The following SCHIP1 variants were observed in gnomAD, a reference collection of about 807,000 sequenced individuals.
SCHIP1 encodes schwannomin-interacting protein 1.
SCHIP1 carries 8 observed loss-of-function variants against 29.7 expected under a neutral mutation model. The ratio of observed to expected loss-of-function variants is 0.27; its 90% CI spans 0.16 to 0.49. The LOEUF is 0.49. SCHIP1 is among the 20% of genes least tolerant of loss of function. The probability of loss-of-function intolerance (pLI) is 0.99; values close to 1 mark genes in which losing one functional copy is unlikely to be tolerated. For missense variants in SCHIP1, 193 were observed against 294.6 expected (o/e 0.66, Z 2.52); for synonymous variants, 76 against 94.9 (o/e 0.80, Z 1.16).
the SCHIP1 span, among the ~76,000 whole-genome samples, chr3:159,689,029 C>T: frequency 1.3e-5 from 2 of 152,064 alleles, no homozygotes; most frequent in African/African-American, 4.8e-5. Context: ...AGGCAGGTAA[C>T]GTCATGCCTC....
chr3:159,777,885 T>TC, the SCHIP1 span, among the ~76,000 whole-genome samples: 1 of 152,260 alleles, frequency 6.6e-6, no homozygotes, highest in Non-Finnish European at 1.5e-5. Context: ...GACTCTTTTT[T>TC]CCTCTTTGGA....
At chr3:159,738,542 GT>G in the SCHIP1 span, among the ~76,000 whole-genome samples, 5 of 152,222 alleles carry the variant, frequency 3.3e-5, no homozygotes, top group African/African-American at 1.2e-4. Context: ...ATTAAATAAT[GT>G]TTTTCTGCTG....
chr3:159,868,275 T>A (rs1466813587), intron 2 of SCHIP1, among the ~76,000 whole-genome samples: 1 of 151,878 alleles, frequency 6.6e-6, no homozygotes, highest in Non-Finnish European at 1.5e-5. Flanking sequence ...AATAACTTTT[T>A]ACTCCTTAAC....
At chr3:159,836,634 T>C (rs1743687355), upstream of SCHIP1, among the ~76,000 whole-genome samples, 1 of 152,120 alleles carries the variant, frequency 6.6e-6, no homozygotes, top group South Asian at 2.1e-4. Context: ...ATCTGAACAA[T>C]AACAGTGTCA....
the SCHIP1 span, among the ~76,000 whole-genome samples, chr3:159,749,269 G>A: frequency 6.6e-3 from 996 of 152,014 alleles, 9 homozygotes; most frequent in African/African-American, 0.023. Flanking sequence ...CTGAGCCCAA[G>A]AAGGTCAAGG....
At chr3:159,505,474 T>A in the SCHIP1 span, among the ~76,000 whole-genome samples, 12 of 152,188 alleles carry the variant, frequency 7.9e-5, no homozygotes, top group Non-Finnish European at 1.6e-4. Context: ...ATTTATGTTT[T>A]TATATTTTTT....
chr3:159,786,742 G>A, the SCHIP1 span, among the ~76,000 whole-genome samples: 3 of 151,772 alleles, frequency 2.0e-5, no homozygotes, highest in Non-Finnish European at 2.9e-5. Context: ...TTTGTGGTGT[G>A]ATTGTGGTCT....
At chr3:159,683,656 A>T in the SCHIP1 span, among the ~76,000 whole-genome samples, 1 of 152,124 alleles carries the variant, frequency 6.6e-6, no homozygotes, top group African/African-American at 2.4e-5. Context: ...TCAACATAAG[A>T]TGCCCTCAAG....
At chr3:159,678,036 T>G in the SCHIP1 span, among the ~76,000 whole-genome samples, 1 of 152,234 alleles carries the variant, frequency 6.6e-6, no homozygotes, top group Non-Finnish European at 1.5e-5. Context: ...TTATCAGATC[T>G]GTGTCCATTA....
At chr3:159,353,860 A>C in the SCHIP1 span, among the ~76,000 whole-genome samples, 1 of 152,232 alleles carries the variant, frequency 6.6e-6, no homozygotes, top group East Asian at 1.9e-4. Flanking sequence ...TCCAGTTGAA[A>C]TGCAACATCA....
At chr3:159,807,190 A>C in the SCHIP1 span, among the ~76,000 whole-genome samples, 3 of 152,232 alleles carry the variant, frequency 2.0e-5, no homozygotes, top group Non-Finnish European at 4.4e-5. Context: ...TTTAAAAGCT[A>C]CTAAAGTTGC....
chr3:159,394,391 C>A, the SCHIP1 span, among the ~76,000 whole-genome samples: 39 of 152,112 alleles, frequency 2.6e-4, no homozygotes, highest in African/African-American at 9.2e-4. Context: ...CTGTCTTGTG[C>A]CAGTTTTCAA....
chr3:159,598,835 T>C, the SCHIP1 span, among the ~76,000 whole-genome samples: 2 of 152,194 alleles, frequency 1.3e-5, no homozygotes, highest in Non-Finnish European at 2.9e-5. Context: ...ACTAGATCTC[T>C]TTAGATCTTG....
the SCHIP1 span, among the ~76,000 whole-genome samples, chr3:159,737,652 A>G: frequency 6.6e-6 from 1 of 152,368 alleles, no homozygotes; most frequent in Admixed American, 6.5e-5. Flanking sequence ...GAAAGAGGTT[A>G]AGTAACCAAG....
At chr3:159,398,392 G>C in the SCHIP1 span, among the ~76,000 whole-genome samples, 3 of 152,278 alleles carry the variant, frequency 2.0e-5, no homozygotes, top group South Asian at 6.2e-4. Flanking sequence ...CATTACAGCA[G>C]GTTGGCAAAG....
the SCHIP1 span, among the ~76,000 whole-genome samples, chr3:159,742,908 A>G: frequency 6.7e-6 from 1 of 149,634 alleles, no homozygotes; most frequent in Non-Finnish European, 1.5e-5. Context: ...CCTGGTCTCA[A>G]ACTCCTGACC....
chr3:159,491,484 G>C, the SCHIP1 span, among the ~76,000 whole-genome samples: 3 of 152,198 alleles, frequency 2.0e-5, no homozygotes, highest in Admixed American at 2.0e-4. Flanking sequence ...GAGGGTCCTA[G>C]GCCCACGGAG....
chr3:159,573,644 G>T, the SCHIP1 span, among the ~76,000 whole-genome samples: 1 of 152,226 alleles, frequency 6.6e-6, no homozygotes, highest in South Asian at 2.1e-4. Context: ...TCCTGAATTT[G>T]AATATTGGCC....
the SCHIP1 span, among the ~76,000 whole-genome samples, chr3:159,302,566 A>T: frequency 2.6e-5 from 4 of 152,240 alleles, no homozygotes; most frequent in Admixed American, 1.3e-4. Flanking sequence ...TAAATATGTC[A>T]GTTGCCATAT....
Sources: allele counts gnomAD v4.1 joint callset (sites outside exome capture counted in the v4.1 genomes callset), GRCh38; gene constraint gnomAD v4.1.1; transcripts MANE v1.5; gene names NCBI Gene and HGNC (gene_info 2026-07-23, HGNC 2026-07-21).